ART3: variants seen among roughly 807,000 people sequenced by gnomAD.
The protein encoded by ART3 is ecto-ADP-ribosyltransferase 3.
ART3 carries 49 observed loss-of-function variants against 48.5 expected under a neutral mutation model. That is an observed-to-expected ratio of 1.01 (90% confidence interval 0.80 to 1.28). ART3 has a LOEUF of 1.28. Among genes scored for constraint, ART3 ranks in the 50% most tolerant of loss-of-function variants. The pLI is 0.00. For synonymous variants in ART3, 145 were observed against 157.2 expected (o/e 0.92, Z 0.58); for missense variants, 438 against 454.3 (o/e 0.96, Z 0.33).
chr4:76,023,869 A>G (rs545651571), intron 1 of ART3, among the ~76,000 whole-genome samples: 22 of 152,360 alleles, frequency 1.4e-4, no homozygotes, highest in African/African-American at 5.3e-4. Flanking sequence ...CCCCAGTAAT[A>G]GAAATTTTTC....
intron 1 of ART3, among the ~76,000 whole-genome samples, chr4:76,051,227 C>G (rs1736049919): frequency 6.6e-6 from 1 of 152,192 alleles, no homozygotes; most frequent in African/African-American, 2.4e-5. Context: ...CTCAAAAGTA[C>G]AGTAGTATAG....
intron 1 of ART3, among the ~76,000 whole-genome samples, chr4:76,053,558 G>C (rs1380702413): frequency 1.3e-5 from 2 of 152,124 alleles, no homozygotes; most frequent in African/African-American, 2.4e-5. Context: ...AATTTTATTA[G>C]GGTATAATTA....
At chr4:76,071,941 G>T (rs189317997), upstream of ART3, among the ~76,000 whole-genome samples, 6 of 152,138 alleles carry the variant, frequency 3.9e-5, no homozygotes, top group African/African-American at 1.4e-4. Flanking sequence ...TTTTGAGACA[G>T]GGTCTTACTC....
chr4:76,072,366 T>TA (rs1015303957), upstream of ART3, among the ~76,000 whole-genome samples: 39 of 152,250 alleles, frequency 2.6e-4, 1 homozygote, highest in Non-Finnish European at 3.4e-4. Context: ...CAGGCTCAAA[T>TA]AAAAATGGCC....
intron 2 of ART3, among the ~76,000 whole-genome samples, chr4:76,078,539 C>G (rs992039940): frequency 6.6e-6 from 1 of 152,174 alleles, no homozygotes; most frequent in Non-Finnish European, 1.5e-5. Context: ...AACTGACCTA[C>G]AAACCCAGGA....
chr4:76,061,072 G>C (rs1488582437), intron 1 of ART3, among the ~76,000 whole-genome samples: 2 of 152,148 alleles, frequency 1.3e-5, no homozygotes, highest in African/African-American at 4.8e-5. Flanking sequence ...AGTCATGATA[G>C]TTTGCACAGC....
intron 1 of ART3, among the ~76,000 whole-genome samples, chr4:76,062,065 C>T (rs954366613): frequency 1.3e-5 from 2 of 151,822 alleles, no homozygotes; most frequent in African/African-American, 4.8e-5. Context: ...TAGGAATAGA[C>T]AGGAACTCAC....
intron 1 of ART3, among the ~76,000 whole-genome samples, chr4:76,068,424 T>C (rs28411168): frequency 0.13 from 19,930 of 152,174 alleles, 3,849 homozygotes; most frequent in African/African-American, 0.43. Flanking sequence ...GGTACATATA[T>C]ACCATGTAAT....
At chr4:76,097,619 A>G (rs1218285798) in intron 3 of ART3, 25 bp from the exon 4 acceptor site, 5 of 1,589,212 alleles carry the variant, frequency 3.1e-6, no homozygotes. Flanking sequence ...TGTCTAACTA[A>G]TAAAGCTTTA....
intron 3 of ART3, among the ~76,000 whole-genome samples, chr4:76,084,520 C>G (rs1040886009): frequency 6.6e-6 from 1 of 152,190 alleles, no homozygotes; most frequent in Admixed American, 6.5e-5. Context: ...ATTCTAATTA[C>G]TAAAACTTTG....
intron 1 of ART3, chr4:76,022,872 T>C: frequency 6.4e-7 from 1 of 1,566,368 alleles, no homozygotes; most frequent in African/African-American, 1.4e-5. Context: ...TTTTAGGCAT[T>C]TAATGTAGAC....
intron 10 of ART3, among the ~76,000 whole-genome samples, chr4:76,106,989 G>A (rs4599438): frequency 0.54 from 82,491 of 151,990 alleles, 24,487 homozygotes; most frequent in African/African-American, 0.79. Context: ...TACCCATACC[G>A]TTCTCTTTTT....
intron 1 of ART3, among the ~76,000 whole-genome samples, chr4:76,041,696 T>C (rs895552676): frequency 6.6e-6 from 1 of 152,250 alleles, no homozygotes; most frequent in Non-Finnish European, 1.5e-5. Flanking sequence ...AGTCTTCAAA[T>C]TGAACTAGCT....
chr4:76,053,117 C>T (rs1217789013), intron 1 of ART3, among the ~76,000 whole-genome samples: 2 of 152,100 alleles, frequency 1.3e-5, no homozygotes, highest in East Asian at 3.8e-4. Flanking sequence ...GCTTTAGTTT[C>T]CAGTGATTAA....
chr4:76,015,386 C>T (rs1223167972), intron 1 of ART3, among the ~76,000 whole-genome samples: 1 of 151,572 alleles, frequency 6.6e-6, no homozygotes, highest in African/African-American at 2.4e-5. Context: ...AATTATAATC[C>T]CCAAAGTAAC....
At chr4:76,109,764 ACAT>A (rs1457392147) in intron 11 of ART3, among the ~76,000 whole-genome samples, 17 of 152,188 alleles carry the variant, frequency 1.1e-4, no homozygotes, top group Admixed American at 2.0e-4. Context: ...ATTGATGGAA[ACAT>A]CATTATGCAT....
intron 10 of ART3, chr4:76,106,236 C>A: frequency 1.0e-6 from 1 of 985,400 alleles, no homozygotes; most frequent in South Asian, 4.7e-5. Flanking sequence ...TTATCCACTT[C>A]TATCCTGGGC....
chr4:76,016,228 T>C (rs1252853173), intron 1 of ART3, among the ~76,000 whole-genome samples: 1 of 152,236 alleles, frequency 6.6e-6, no homozygotes, highest in East Asian at 1.9e-4. Context: ...GCTAGACATA[T>C]TTCCAGATAT....
intron 1 of ART3, among the ~76,000 whole-genome samples, chr4:76,047,819 A>G (rs991717675): frequency 1.3e-5 from 2 of 152,076 alleles, no homozygotes; most frequent in African/African-American, 2.4e-5. Flanking sequence ...GGTTTGATCT[A>G]ACAGTGGCAT....
Sources: gnomAD v4.1 joint callset for allele counts (sites outside exome capture counted in the v4.1 genomes callset) on GRCh38, gnomAD v4.1.1 for gene constraint, MANE v1.5 for transcripts, NCBI Gene and HGNC (gene_info 2026-07-23, HGNC 2026-07-21) for gene names.